Variants in USP33 observed in about 807,000 individuals in gnomAD.
USP33 encodes the protein ubiquitin specific peptidase 33, also known as ubiquitin carboxyl-terminal hydrolase 33.
USP33 carries 46 observed loss-of-function variants against 124.2 expected under a neutral mutation model. The ratio of observed to expected loss-of-function variants is 0.37; its 90% CI spans 0.29 to 0.47. The LOEUF is 0.47. USP33 is among the 20% of genes least tolerant of loss of function. The pLI, the probability that USP33 is intolerant of heterozygous loss-of-function variation, is 0.99. For synonymous variants in USP33, 350 were observed against 352.3 expected, an observed-to-expected ratio of 0.99 and a Z score of 0.07; for missense variants, 851 against 1,070.6, an observed-to-expected ratio of 0.79 and a Z score of 2.86.
intron 21 of USP33, among the ~76,000 whole-genome samples, chr1:77,705,809 A>C (rs986162428): frequency 2.0e-5 from 3 of 152,220 alleles, no homozygotes; most frequent in Non-Finnish European, 4.4e-5. Context: ...GCTGTCTTGC[A>C]CCAGTTTGCA....
rs1376656111 is a variant in USP33 at position 77,713,229 on chromosome 1, A to G, written c.2268T>C (p.Pro756=). 1.3e-6 allele frequency: 2 copies of G among 1,587,386 alleles called. No homozygotes were observed. Among genetic ancestry groups the G allele is most frequent in the African/African-American group, 2.8e-5 (2 of 72,134 alleles). Residue 756 remains proline (P), a synonymous_variant, in exon 20 of 24, where the codon CCT becomes CCC. Transcript: ENST00000370794. ...GYIEDLVLML[P]QNIWDNLYSR... ...TATATAGGTTATCCCAAATGTTCTG[A>G]GGCAGCATCAAAACCAGGTCTTCAA... is the stretch of plus-strand genomic sequence containing the variant.
At chr1:77,725,147 C>G (rs1041986110) in intron 11 of USP33, among the ~76,000 whole-genome samples, 2 of 152,036 alleles carry the variant, frequency 1.3e-5, no homozygotes, top group African/African-American at 4.8e-5. Flanking sequence ...AGAGGCAAAC[C>G]TGTTTCAAAA....
At chr1:77,711,444 T>C (rs1675238856) in intron 21 of USP33, 2 of 198,070 alleles carry the variant, frequency 1.0e-5, no homozygotes, top group African/African-American at 2.3e-5. Context: ...GGAGAATTGC[T>C]TGAACCTAGG....
Position 77,754,733 on chromosome 1 carries a change from T to A in USP33, c.-52+4910A>T, listed in dbSNP as rs192723011. ...AATCTGTCTCATTGATCCTTAAGAG[T>A]CTAATTAATGAGAGCCTTAAGGCTA... is the stretch of plus-strand genomic sequence containing the variant. On this transcript the variant is annotated intron_variant, in intron 1 of 23. Coordinates refer to ENST00000370794, the MANE Select transcript of USP33 (RefSeq NM_201624.3). Among the ~76,000 whole-genome samples the A allele has an allele frequency of 2.6e-5, 4 of 152,332 alleles. No individual in the cohort carries two copies. The East Asian group carries it at 5.8e-4, about 22-fold the overall frequency.
intron 15 of USP33, 171 bp from the exon 16 acceptor site, chr1:77,718,812 C>A (rs1478792467): frequency 3.7e-6 from 2 of 542,854 alleles, no homozygotes; most frequent in African/African-American, 3.9e-5. Context: ...GCCTGTAGTC[C>A]CAGATACTCA....
chr1:77,717,917 A>G lies in USP33; in HGVS notation c.1868T>C (p.Ile623Thr). The G allele has an allele frequency of 3.1e-6, 5 of 1,613,484 alleles. No homozygotes were observed. Among genetic ancestry groups the G allele is most frequent in the South Asian group, 1.1e-5 (1 of 90,836 alleles). Residue 623 changes from isoleucine to threonine, a missense_variant, in exon 17 of 24, where the codon ATT (isoleucine) becomes ACT (threonine). Coordinates refer to ENST00000370794, the MANE Select transcript of USP33 (RefSeq NM_201624.3). The stretch of plus-strand genomic sequence containing the variant: ...GACTGACAGAAGATCATATGTCACA[A>G]TTTGAGCTGGACTATCCTTAGCAAG... ...PFLAKDSPAQ[I>T]VTYDLLSVIC...
Position 77,741,428 on chromosome 1 carries a change from C to T in USP33, c.83G>A (p.Gly28Asp). ...TKEDLIQKSL[G>D]TCQDCKVQGP... The stretch of plus-strand genomic sequence containing the variant: ...TTGGACTTTACAATCCTGACAAGTA[C>T]CCTATAAAAAGAAATTAAAAAGACA... The change falls in exon 3 of 24, where the codon GGT (glycine) becomes GAT (aspartate). Residue 28 changes from glycine (G) to aspartate (D), a missense_variant and splice_region_variant. Around this residue, in one of 4 missense-constraint regions of USP33, gnomAD observed 221 missense variants for 302.9 expected, o/e 0.73. Coordinates refer to ENST00000370794, the MANE Select transcript of USP33 (RefSeq NM_201624.3). The T allele has an allele frequency of 1.9e-6, 3 of 1,608,032 alleles. No homozygotes were observed. The highest frequency in any genetic ancestry group is 2.5e-6 in the Non-Finnish European group (3 of 1,178,484).
At chr1:77,700,036 TTGG>T (rs890344620) in intron 22 of USP33, among the ~76,000 whole-genome samples, 3 of 151,418 alleles carry the variant, frequency 2.0e-5, no homozygotes, top group Non-Finnish European at 4.4e-5. Flanking sequence ...CTAGGGCCTG[TTGG>T]TGGGGGTTGA....
At chr1:77,707,829 C>A (rs1269163650) in intron 21 of USP33, among the ~76,000 whole-genome samples, 2 of 152,186 alleles carry the variant, frequency 1.3e-5, no homozygotes, top group Non-Finnish European at 2.9e-5. Flanking sequence ...GTTGAAATAA[C>A]TACCAATTTA....
chr1:77,724,071 G>C (rs1431164475), intron 11 of USP33, among the ~76,000 whole-genome samples: 1 of 151,984 alleles, frequency 6.6e-6, no homozygotes, highest in Non-Finnish European at 1.5e-5. Flanking sequence ...TCATCACTGG[G>C]ATGTTTACTT....
At chr1:77,698,654 C>G (rs7521042) in intron 22 of USP33, among the ~76,000 whole-genome samples, 46,079 of 151,482 alleles carry the variant, frequency 0.3, 7,554 homozygotes, top group South Asian at 0.48. Context: ...GCACCCACCA[C>G]CACGCCCAGC....
At chr1:77,721,124 A>C in intron 15 of USP33, 48 bp downstream of exon 15, 1 of 1,611,050 alleles carries the variant, frequency 6.2e-7, no homozygotes, top group Admixed American at 1.7e-5. Context: ...TCTAAAAACC[A>C]AGAAAAATAC....
chr1:77,748,943 G>A (rs1325968519), intron 1 of USP33, among the ~76,000 whole-genome samples: 1 of 152,082 alleles, frequency 6.6e-6, no homozygotes, highest in African/African-American at 2.4e-5. Context: ...ACTCAGCTGT[G>A]AAATTATATG....
intron 1 of USP33, among the ~76,000 whole-genome samples, chr1:77,743,282 G>A (rs1679339391): frequency 6.6e-6 from 1 of 152,046 alleles, no homozygotes. Context: ...TAAATTTGCT[G>A]AAATATTAAC....
At chr1:77,750,053 G>A (rs367715230) in intron 1 of USP33, among the ~76,000 whole-genome samples, 17 of 151,982 alleles carry the variant, frequency 1.1e-4, no homozygotes, top group Middle Eastern at 6.8e-3. Flanking sequence ...GGCCAGGTGC[G>A]ATGACTGTAA....
intron 15 of USP33, among the ~76,000 whole-genome samples, chr1:77,720,128 T>G (rs1331299561): frequency 8.0e-6 from 1 of 124,380 alleles, no homozygotes; most frequent in African/African-American, 3.1e-5. Flanking sequence ...CTACTGAATC[T>G]TCAGCCTTGG....
At position 77,759,818 on chromosome 1, in the gene USP33, T is replaced by G; in HGVS notation, c.-227A>C. The G allele has an allele frequency of 4.9e-5, 19 of 387,556 alleles. No homozygotes were observed. Among genetic ancestry groups the G allele is most frequent in the Non-Finnish European group, 5.9e-5 (13 of 219,072 alleles). 24.0% of individuals were successfully genotyped at this position (387,556 alleles called of 1,614,324 possible). ...GGGGTCCGCCTCCTGAACTGGCCAC[T>G]TCCCGCAGCAGCCGCGGCTCCTTCC... On this transcript the variant is annotated 5_prime_UTR_variant, in exon 1 of 24. Coordinates refer to ENST00000370794, the MANE Select transcript of USP33 (RefSeq NM_201624.3).
At chr1:77,741,486 T>C (rs570117664) in intron 2 of USP33, 57 bp from the exon 3 acceptor site, 9 of 1,561,146 alleles carry the variant, frequency 5.8e-6, no homozygotes, top group South Asian at 4.7e-5. Context: ...CACATACAAT[T>C]CACTAATGCA....
At chr1:77,741,218 C>G (rs2274124) in intron 3 of USP33, among the ~76,000 whole-genome samples, 158 bp downstream of exon 3, 9,268 of 152,158 alleles carry the variant, frequency 0.061, 423 homozygotes, top group East Asian at 0.12. Context: ...AGATTAAGAT[C>G]TTTCCAAAGT....
Sources: gnomAD v4.1 joint callset for allele counts (sites outside exome capture counted in the v4.1 genomes callset) on GRCh38, gnomAD v4.1.1 for gene constraint, gnomAD v4.1.1 regional missense constraint, MANE v1.5 for transcripts, NCBI Gene and HGNC (gene_info 2026-07-23, HGNC 2026-07-21) for gene names.